Variants in ELP4 observed in about 807,000 individuals in gnomAD.
The protein encoded by ELP4 is elongator complex protein 4.
Under a neutral mutation model 48.9 loss-of-function variants are expected in ELP4, and 51 were observed. The observed-to-expected ratio is 1.04, with a 90% confidence interval of 0.83 to 1.32. The LOEUF (loss-of-function observed/expected upper bound fraction) is 1.32. Ranked by LOEUF, ELP4 falls within the 40% of genes most tolerant of loss-of-function variation. The pLI, the probability that ELP4 is intolerant of heterozygous loss-of-function variation, is 0.00. For synonymous variants in ELP4, 210 were observed against 189.2 expected, an observed-to-expected ratio of 1.11 and a Z score of -0.90; for missense variants, 519 against 514.6, an observed-to-expected ratio of 1.01 and a Z score of -0.08.
chr11:31,512,722 T>C (rs946563445), intron 1 of ELP4: 1 of 152,222 alleles, frequency 6.6e-6, no homozygotes, highest in Non-Finnish European at 1.5e-5. Flanking sequence ...ACTCCATTTC[T>C]CTTCCAGGGG....
chr11:31,605,951 C>T (rs2023576), intron 5 of ELP4, among the ~76,000 whole-genome samples: 92,511 of 151,382 alleles, frequency 0.61, 31,808 homozygotes, highest in Non-Finnish European at 0.76. Context: ...TTTTTTGTAC[C>T]GTGCTACCTC....
At chr11:31,731,183 A>C (rs1479459850) in intron 9 of ELP4, among the ~76,000 whole-genome samples, 2 of 152,216 alleles carry the variant, frequency 1.3e-5, no homozygotes, top group African/African-American at 4.8e-5. Context: ...AAGAACGTGA[A>C]GAAACAGGGA....
intron 5 of ELP4, among the ~76,000 whole-genome samples, chr11:31,624,902 T>A (rs1050805035): frequency 1.3e-5 from 2 of 151,706 alleles, no homozygotes; most frequent in Admixed American, 6.6e-5. Context: ...TCCACATCTT[T>A]TCCCACTGGA....
rs570249628 is a variant in ELP4, at chr11:31,699,507, C to T, written c.1143+49286C>T. ...CCATAGAATACCAACTATTAAACCTCGAAGGAATGATAAAAATAGAAAATC... is the reference window on the plus strand; with the variant it reads ...CCATAGAATACCAACTATTAAACCTTGAAGGAATGATAAAAATAGAAAATC... On this transcript the variant is annotated intron_variant, in intron 9 of 9. Transcript: ENST00000640961. Among the ~76,000 whole-genome samples the T allele has an allele frequency of 2.6e-5, 4 of 152,092 alleles. No homozygotes were observed. In the East Asian group the frequency reaches 5.8e-4, roughly 22 times the overall value.
intron 3 of ELP4, among the ~76,000 whole-genome samples, chr11:31,578,697 T>C (rs1048954898): frequency 6.6e-6 from 1 of 152,162 alleles, no homozygotes; most frequent in Non-Finnish European, 1.5e-5. Flanking sequence ...GAAAGGATTC[T>C]CTGTTTAATA....
chr11:31,564,944 A>T (rs917121307), intron 3 of ELP4, among the ~76,000 whole-genome samples: 1 of 152,202 alleles, frequency 6.6e-6, no homozygotes, highest in East Asian at 1.9e-4. Context: ...TCCCTGAGGA[A>T]TCGCCACACT....
At chr11:31,656,393 T>A (rs1160247270) in intron 9 of ELP4, among the ~76,000 whole-genome samples, 1 of 151,990 alleles carries the variant, frequency 6.6e-6, no homozygotes, top group African/African-American at 2.4e-5. Context: ...AGTAGATTCA[T>A]ATTTGGCTAT....
intron 9 of ELP4, among the ~76,000 whole-genome samples, chr11:31,673,608 C>G (rs1057136477): frequency 1.3e-5 from 2 of 152,128 alleles, no homozygotes; most frequent in Non-Finnish European, 2.9e-5. Context: ...GGATTACAGG[C>G]ATGAGCCACT....
chr11:31,510,197 A>G (rs752679453), intron 1 of ELP4, among the ~76,000 whole-genome samples, 190 bp downstream of exon 1: 1 of 152,198 alleles, frequency 6.6e-6, no homozygotes, highest in Admixed American at 6.5e-5. Context: ...TTAACTAAAC[A>G]TGTTTTAGTG....
intron 9 of ELP4, among the ~76,000 whole-genome samples, chr11:31,706,218 A>C (rs1946628430): frequency 6.6e-6 from 1 of 152,118 alleles, no homozygotes; most frequent in South Asian, 2.1e-4. Flanking sequence ...GATAATTAGC[A>C]TGCCTATCAT....
At chr11:31,734,240 G>A (rs762008264) in intron 9 of ELP4, among the ~76,000 whole-genome samples, 5 of 152,128 alleles carry the variant, frequency 3.3e-5, no homozygotes, top group Non-Finnish European at 7.4e-5. Context: ...CCATATATGA[G>A]AAGCCCACAG....
At chr11:31,533,154 C>T (rs1956427681) in intron 2 of ELP4, among the ~76,000 whole-genome samples, 1 of 152,098 alleles carries the variant, frequency 6.6e-6, no homozygotes, top group Non-Finnish European at 1.5e-5. Flanking sequence ...AAATGGTGAG[C>T]ATTGTACCCA....
At chr11:31,765,539 T>A (rs1203971201) in intron 9 of ELP4, among the ~76,000 whole-genome samples, 2 of 152,162 alleles carry the variant, frequency 1.3e-5, no homozygotes, top group East Asian at 3.8e-4. Context: ...ATATGAGTAA[T>A]CATTGACTTT....
At chr11:31,661,116 T>A (rs1945546775) in intron 9 of ELP4, among the ~76,000 whole-genome samples, 1 of 152,044 alleles carries the variant, frequency 6.6e-6, no homozygotes, top group South Asian at 2.1e-4. Flanking sequence ...TATACTTGCA[T>A]ATTCAGACAC....
At chr11:31,624,933 A>G (rs1352293254) in intron 5 of ELP4, among the ~76,000 whole-genome samples, 1 of 151,482 alleles carries the variant, frequency 6.6e-6, no homozygotes, top group African/African-American at 2.4e-5. Context: ...GGACAGTAAC[A>G]CACATATAGT....
At position 31,632,327 on chromosome 11, in the gene ELP4, G is replaced by A. The variant is rs1049974120; in HGVS notation, c.849G>A (p.Lys283=). The A allele has an allele frequency of 1.4e-5, 22 of 1,613,284 alleles. No individual in the cohort carries two copies. The highest frequency in any genetic ancestry group is 1.7e-5 in the Non-Finnish European group (20 of 1,179,672). The change falls in exon 7 of 10, where the codon AAG becomes AAA. Residue 283 remains lysine, a synonymous_variant. Coordinates refer to ENST00000640961, the MANE Select transcript of ELP4 (RefSeq NM_019040.5). ...ENGGNSHSLT[K]FLYVLRGLLR... ...GTGGCAACAGTCACAGCCTTACCAA[G>A]TTCCTCTATGTTCTCCGTGGTCTTC...
rs768926308 is a variant in ELP4 at position 31,736,596 on chromosome 11, A to C, written c.1144-46797A>C. On this transcript the variant is annotated intron_variant, in intron 9 of 9. Transcript: ENST00000640961. ...TACTCATCTGACAAAGGGCTAATAT[A>C]CAGAGTCTACAATGAACTCAAACAA... is the stretch of plus-strand genomic sequence containing the variant. Among the ~76,000 whole-genome samples, 94 of 152,312 alleles carry C rather than the reference A, an allele frequency of 6.2e-4. 1 individual carries two copies. The highest frequency in any genetic ancestry group is 3.4e-3 in the Middle Eastern group (1 of 294).
intron 3 of ELP4, among the ~76,000 whole-genome samples, chr11:31,555,025 T>G (rs1956907931): frequency 6.6e-6 from 1 of 152,200 alleles, no homozygotes; most frequent in Non-Finnish European, 1.5e-5. Flanking sequence ...TAAAGCCACT[T>G]ACACAGATGA....
Position 31,749,383 on chromosome 11 carries a change from G to A in ELP4, c.1144-34010G>A, listed in dbSNP as rs978168855. On this transcript the variant is annotated intron_variant, in intron 9 of 9. Transcript: ENST00000640961. The stretch of plus-strand genomic sequence containing the variant: ...AAAATTTGGACACAGATTAGTTATA[G>A]AGAGTACGGAAAAACTGATTAAAGA... 3.9e-5 allele frequency among the ~76,000 whole-genome samples: 6 copies of A among 152,198 alleles called. 1 individual carries two copies. The South Asian group carries it at 1.2e-3, about 32-fold the overall frequency.
Sources: allele counts gnomAD v4.1 joint callset (sites outside exome capture counted in the v4.1 genomes callset), GRCh38; gene constraint gnomAD v4.1.1; transcripts MANE v1.5; gene names NCBI Gene and HGNC (gene_info 2026-07-23, HGNC 2026-07-21).